Variants in TMEM62 observed in about 807,000 individuals in gnomAD.
TMEM62 encodes transmembrane protein 62.
TMEM62 carries 41 observed loss-of-function variants against 70.4 expected under a neutral mutation model. That is an observed-to-expected ratio of 0.58 (90% CI 0.45 to 0.76). TMEM62 has a LOEUF of 0.76. Ranked by LOEUF, TMEM62 falls within the 30% of genes least tolerant of loss-of-function variation. The probability of loss-of-function intolerance (pLI) is 0.00; values close to 1 mark genes in which losing one functional copy is unlikely to be tolerated. For missense variants in TMEM62, 688 were observed against 788.5 expected (o/e 0.87, Z 1.53); for synonymous variants, 268 against 291.0 (o/e 0.92, Z 0.80).
chr15:43,178,759 T>G (rs752711261), intron 12 of TMEM62, 48 bp downstream of exon 12: 3 of 1,162,240 alleles, frequency 2.6e-6, no homozygotes, highest in Non-Finnish European at 3.8e-6. Context: ...AAGAATATAT[T>G]AACAATTTTG....
chr15:43,138,466 G>A (rs2035543627), intron 3 of TMEM62, 108 bp from the exon 4 acceptor site: 2 of 901,874 alleles, frequency 2.2e-6, no homozygotes, highest in Non-Finnish European at 3.4e-6. Flanking sequence ...GGGTGTGTGT[G>A]GAAGAATTGT....
chr15:43,177,478 T>G (rs1388604448), intron 11 of TMEM62, among the ~76,000 whole-genome samples: 2 of 152,230 alleles, frequency 1.3e-5, no homozygotes, highest in Admixed American at 6.5e-5. Flanking sequence ...AAATACCATT[T>G]GACCCAGCCA....
At chr15:43,165,059 CTTGGTGTTCTATGA>C (rs2039221272) in intron 10 of TMEM62, among the ~76,000 whole-genome samples, 1 of 152,054 alleles carries the variant, frequency 6.6e-6, no homozygotes, top group Non-Finnish European at 1.5e-5. Context: ...GTTAAAACTT[CTTGGTGTTCTATGA>C]CCTTCTTGTA....
chr15:43,151,776 T>A lies in TMEM62; in HGVS notation c.867-14T>A, dbSNP rs371135860. On this transcript the variant is annotated splice_polypyrimidine_tract_variant and intron_variant, in intron 7 of 13. Coordinates refer to ENST00000260403, the MANE Select transcript of TMEM62 (RefSeq NM_024956.4). ...TGAAGTGACTAAATTACCTTATCAT[T>A]ATCTGGTCTTTAGGTACCGGATTTT... The A allele has an allele frequency of 5.6e-6, 9 of 1,611,442 alleles. No homozygotes were observed. The highest frequency in any genetic ancestry group is 7.6e-6 in the Non-Finnish European group (9 of 1,178,818).
At chr15:43,158,046 C>T (rs1199500516) in intron 9 of TMEM62, among the ~76,000 whole-genome samples, 3 of 151,882 alleles carry the variant, frequency 2.0e-5, no homozygotes, top group Non-Finnish European at 2.9e-5. Flanking sequence ...ATCTTTGGTC[C>T]TGTGGAGTTC....
At chr15:43,176,952 A>G (rs61711558) in intron 11 of TMEM62, among the ~76,000 whole-genome samples, 6,380 of 152,116 alleles carry the variant, frequency 0.042, 491 homozygotes, top group African/African-American at 0.14. Flanking sequence ...AAATTTAGAC[A>G]AATGTGTAAC....
chr15:43,140,194 T>C (rs1474785091), intron 4 of TMEM62, among the ~76,000 whole-genome samples: 2 of 152,148 alleles, frequency 1.3e-5, no homozygotes, highest in East Asian at 3.9e-4. Flanking sequence ...CCCAGAAAGA[T>C]GACTGGGGGC....
rs2141424697 is a variant in TMEM62, at chr15:43,134,388, TGTG to T, written c.292+29_292+31del. ...CAACAGGTAGGGAGGCTTGCCGTGCTGTGGTGGTGGTCTGTGGTCCGCATGGTA... is the reference window on the plus strand; with the variant it reads ...CAACAGGTAGGGAGGCTTGCCGTGCTGTGGTGGTCTGTGGTCCGCATGGTA... On this transcript the variant is annotated intron_variant, in intron 2 of 13. Coordinates refer to ENST00000260403, the MANE Select transcript of TMEM62 (RefSeq NM_024956.4). 3 of 1,587,164 alleles carry T rather than the reference TGTG, an allele frequency of 1.9e-6. No individual in the cohort carries two copies. Among genetic ancestry groups the T allele is most frequent in the South Asian group, 1.1e-5 (1 of 90,508 alleles).
In TMEM62 at chr15:43,184,450, C is replaced by A. The variant is rs769971606; in HGVS notation, c.1796C>A (p.Thr599Asn). 73 of 1,614,106 alleles carry A rather than the reference C, an allele frequency of 4.5e-5. 1 individual carries two copies. The South Asian group carries it at 8.0e-4, about 18-fold the overall frequency. The change falls in exon 14 of 14, where the codon ACC becomes AAC. Residue 599 changes from threonine to asparagine, a missense_variant. Coordinates refer to ENST00000260403, the MANE Select transcript of TMEM62 (RefSeq NM_024956.4). ...SCYFLYATYG[T>N]LAFLFSPLRT... ...TACTTTCTTTATGCAACATACGGCACCCTAGCTTTTTTATTCTCCCCTTTG... is the reference window on the plus strand; with the variant it reads ...TACTTTCTTTATGCAACATACGGCAACCTAGCTTTTTTATTCTCCCCTTTG...
intron 11 of TMEM62, among the ~76,000 whole-genome samples, chr15:43,172,754 T>C (rs1008042860): frequency 2.6e-5 from 4 of 152,182 alleles, no homozygotes; most frequent in African/African-American, 9.6e-5. Flanking sequence ...CTTTCAGGCA[T>C]TTGAAATCAC....
chr15:43,184,026 G>A (rs896682159), intron 13 of TMEM62: 1 of 578,764 alleles, frequency 1.7e-6, no homozygotes, highest in Non-Finnish European at 3.1e-6. Context: ...TGTACTACAA[G>A]TTGGGACTTC....
At position 43,161,705 on chromosome 15, in the gene TMEM62, GGCTGGAGTGCAATAGT is replaced by G. The variant is rs746840277; in HGVS notation, c.1296+914_1296+929del. ...ATCAGAGTTTTGCTCTTGTTTCCCA[GGCTGGAGTGCAATAGT>G]GCCATCTCGGCTCACTGCAACCTCC... On this transcript the variant is annotated intron_variant, in intron 10 of 13. Coordinates refer to ENST00000260403, the MANE Select transcript of TMEM62 (RefSeq NM_024956.4). Among the ~76,000 whole-genome samples, 5 of 152,250 alleles carry G rather than the reference GGCTGGAGTGCAATAGT, an allele frequency of 3.3e-5. No homozygotes were observed. The East Asian group carries it at 5.8e-4, about 18-fold the overall frequency.
At chr15:43,161,818 G>A (rs990415698) in intron 10 of TMEM62, among the ~76,000 whole-genome samples, 5 of 151,900 alleles carry the variant, frequency 3.3e-5, no homozygotes, top group East Asian at 1.9e-4. Context: ...CTGCCACCAC[G>A]CCCAGCTAAT....
chr15:43,184,312 A>G lies in TMEM62; in HGVS notation c.1658A>G (p.Gln553Arg). 2 of 1,614,226 alleles carry G rather than the reference A, an allele frequency of 1.2e-6. No homozygotes were observed. The highest frequency in any genetic ancestry group is 1.7e-6 in the Non-Finnish European group (2 of 1,180,042). Residue 553 changes from glutamine (Q) to arginine (R), a missense_variant, in exon 14 of 14, where the codon CAG (glutamine) becomes CGG (arginine). Transcript: ENST00000260403. ...LMAYMCWSLL[Q>R]RCFGHNFRSH... The stretch of plus-strand genomic sequence containing the variant: ...GCTTACATGTGTTGGAGCTTGCTGC[A>G]GCGGTGCTTTGGTCACAACTTCAGG...
chr15:43,162,398 G>T (rs1223237457), intron 10 of TMEM62, among the ~76,000 whole-genome samples: 3 of 147,472 alleles, frequency 2.0e-5, no homozygotes, highest in Non-Finnish European at 3.0e-5. Flanking sequence ...CTCCCAAAGT[G>T]CTGGGACTAC....
At position 43,151,003 on chromosome 15, in the gene TMEM62, T is replaced by C. The variant is rs77752213; in HGVS notation, c.867-787T>C. On this transcript the variant is annotated intron_variant, in intron 7 of 13. Transcript: ENST00000260403. ...AATGAATATTTTATACCTTTTGTTA[T>C]TGCATTTGGAAAATGAAAACAACTT... 6.0e-3 allele frequency among the ~76,000 whole-genome samples: 911 copies of C among 152,368 alleles called. 9 individuals carry two copies. Among genetic ancestry groups the C allele is most frequent in the African/African-American group, 0.021 (864 of 41,578 alleles).
At chr15:43,134,102 G>A in intron 1 of TMEM62, 120 bp downstream of exon 1, 3 of 1,430,596 alleles carry the variant, frequency 2.1e-6, no homozygotes, top group Non-Finnish European at 2.8e-6. Context: ...TGTAACTCGA[G>A]GCTCTGTCTA....
chr15:43,179,300 T>C (rs1228341974), intron 12 of TMEM62, among the ~76,000 whole-genome samples: 1 of 152,216 alleles, frequency 6.6e-6, no homozygotes, highest in Non-Finnish European at 1.5e-5. Flanking sequence ...TCATTGAATA[T>C]TTACTAATGT....
chr15:43,149,790 A>G (rs1485070517), intron 7 of TMEM62, among the ~76,000 whole-genome samples: 1 of 152,150 alleles, frequency 6.6e-6, no homozygotes, highest in African/African-American at 2.4e-5. Context: ...TAGGACTAGA[A>G]GTGTCATGTT....
Sources: gnomAD v4.1 joint callset for allele counts (sites outside exome capture counted in the v4.1 genomes callset) on GRCh38, gnomAD v4.1.1 for gene constraint, MANE v1.5 for transcripts, NCBI Gene and HGNC (gene_info 2026-07-23, HGNC 2026-07-21) for gene names.